NLRP11: variants seen among roughly 807,000 people sequenced by gnomAD.
NLRP11 encodes the protein NACHT, LRR and PYD domains-containing protein 11.
A neutral mutation model predicts 79.3 loss-of-function variants in NLRP11; 53 were observed. That is an observed-to-expected ratio of 0.67 (90% CI 0.54 to 0.84). The LOEUF is 0.84. Among genes scored for constraint, NLRP11 ranks in the 40% least tolerant of loss-of-function variants. The pLI, the probability that NLRP11 is intolerant of heterozygous loss-of-function variation, is 0.00. For synonymous variants in NLRP11, 518 were observed against 462.6 expected (o/e 1.12, Z -1.54); for missense variants, 1,264 against 1,255.0 (o/e 1.01, Z -0.11).
At chr19:55,799,779 C>T (rs1037909266) in intron 5 of NLRP11, among the ~76,000 whole-genome samples, 7 of 151,994 alleles carry the variant, frequency 4.6e-5, no homozygotes, top group Admixed American at 4.6e-4. Flanking sequence ...CCAGCCTGGC[C>T]AACATGGTGA....
At chr19:55,805,287 A>T (rs1388159484) in intron 4 of NLRP11, among the ~76,000 whole-genome samples, 1 of 152,000 alleles carries the variant, frequency 6.6e-6, no homozygotes, top group East Asian at 1.9e-4. Context: ...AAGAGACGGG[A>T]AGGGAAATGT....
intron 1 of NLRP11, among the ~76,000 whole-genome samples, chr19:55,820,457 A>G (rs1170216869): frequency 6.6e-6 from 1 of 152,100 alleles, no homozygotes; most frequent in Non-Finnish European, 1.5e-5. Flanking sequence ...TTAACTAGAA[A>G]ATCCCACTGA....
intron 1 of NLRP11, among the ~76,000 whole-genome samples, chr19:55,821,301 G>A (rs1349710575): frequency 6.6e-6 from 1 of 151,598 alleles, no homozygotes; most frequent in African/African-American, 2.4e-5. Context: ...TACCTCGTGT[G>A]TGTTTTTTAT....
chr19:55,822,744 C>T (rs1391869103), intron 1 of NLRP11, among the ~76,000 whole-genome samples: 2 of 152,136 alleles, frequency 1.3e-5, no homozygotes, highest in East Asian at 3.9e-4. Flanking sequence ...ATATCCCACA[C>T]CTGGCTCGGA....
At chr19:55,785,912 T>C in intron 9 of NLRP11, 41 bp from the exon 10 acceptor site, 2 of 1,589,378 alleles carry the variant, frequency 1.3e-6, no homozygotes, top group Non-Finnish European at 1.7e-6. Context: ...ATGCTACATG[T>C]GAGGTCTCAG....
intron 2 of NLRP11, among the ~76,000 whole-genome samples, chr19:55,816,554 A>G (rs1981131152): frequency 6.6e-6 from 1 of 152,160 alleles, no homozygotes; most frequent in Non-Finnish European, 1.5e-5. Context: ...GAGGGACTAA[A>G]TGAGCCAATG....
intron 3 of NLRP11, among the ~76,000 whole-genome samples, chr19:55,808,489 C>T (rs1034097095): frequency 6.6e-6 from 1 of 152,058 alleles, no homozygotes; most frequent in African/African-American, 2.4e-5. Flanking sequence ...CCCTACTGGC[C>T]ACAGGAGAGA....
At chr19:55,822,345 A>G (rs1449373552) in intron 1 of NLRP11, among the ~76,000 whole-genome samples, 1 of 152,266 alleles carries the variant, frequency 6.6e-6, no homozygotes, top group Non-Finnish European at 1.5e-5. Flanking sequence ...TTACGTCATG[A>G]CTGAAGATGT....
intron 1 of NLRP11, among the ~76,000 whole-genome samples, chr19:55,821,121 G>A (rs150844740): frequency 6.6e-6 from 1 of 152,016 alleles, no homozygotes; most frequent in East Asian, 1.9e-4. Flanking sequence ...TAAGCAGTGA[G>A]CCAATTTTCT....
chr19:55,823,832 A>T, intron 1 of NLRP11, among the ~76,000 whole-genome samples: 1 of 147,814 alleles, frequency 6.8e-6, no homozygotes, highest in East Asian at 2.0e-4. Flanking sequence ...AAGTTGGAAA[A>T]CGCTCTGCAG....
In NLRP11 at chr19:55,821,249, A is replaced by ACACAC. The variant is rs1443325918; in HGVS notation, c.-62-3014_-62-3013insGTGTG. Among the ~76,000 whole-genome samples the ACACAC allele has an allele frequency of 3.0e-3, 367 of 124,404 alleles. 4 individuals carry two copies. The highest frequency in any genetic ancestry group is 9.9e-3 in the African/African-American group (344 of 34,660). The allele number at this position is 124,404 out of a possible 152,430, so 81.6% of individuals were successfully genotyped here. ...CACACACACACACACACACACACAC[A>ACACAC]CCCCAAGCACTGAGTTTGTAATGAT... On this transcript the variant is annotated intron_variant, in intron 1 of 9. Transcript: ENST00000589093.
rs377446833 is a variant in NLRP11 at position 55,831,453 on chromosome 19, T to C, written c.-63+510A>G. Among the ~76,000 whole-genome samples, 80 of 152,118 alleles carry C rather than the reference T, an allele frequency of 5.3e-4. No individual in the cohort carries two copies. The South Asian group carries it at 0.017, about 32-fold the overall frequency. On this transcript the variant is annotated intron_variant, in intron 1 of 9. Transcript: ENST00000589093. ...GGCGTGTGCCTGTCATTCCTGCTACTTGGGAGTCTGAGGTGGGAGAGTCAC... is the reference window on the plus strand; with the variant it reads ...GGCGTGTGCCTGTCATTCCTGCTACCTGGGAGTCTGAGGTGGGAGAGTCAC...
At chr19:55,793,555 C>CAAA (rs1385442204) in intron 6 of NLRP11, among the ~76,000 whole-genome samples, 817 of 30,664 alleles carry the variant, frequency 0.027, 15 homozygotes, top group Non-Finnish European at 0.04. Flanking sequence ...GTGACTGTCT[C>CAAA]CAAAAAAAAA....
At chr19:55,788,178 T>C (rs948516402) in intron 9 of NLRP11, among the ~76,000 whole-genome samples, 1 of 152,130 alleles carries the variant, frequency 6.6e-6, no homozygotes. Flanking sequence ...AGACTGAGAA[T>C]TGCCTATTTT....
At chr19:55,797,557 C>T (rs548468057) in intron 5 of NLRP11, among the ~76,000 whole-genome samples, 30 of 152,244 alleles carry the variant, frequency 2.0e-4, no homozygotes, top group African/African-American at 7.0e-4. Flanking sequence ...TATCATGTGC[C>T]TAGTAGATGA....
chr19:55,823,739 G>A (rs1982043726), intron 1 of NLRP11, among the ~76,000 whole-genome samples: 1 of 150,658 alleles, frequency 6.6e-6, no homozygotes, highest in South Asian at 2.1e-4. Context: ...AATGAGCAAA[G>A]CCTCCAAGAA....
In NLRP11 at chr19:55,807,870, A is replaced by T; in HGVS notation, c.1986T>A (p.Cys662Ter). The T allele has an allele frequency of 6.2e-7, 1 of 1,611,842 alleles. No individual in the cohort carries two copies. Among genetic ancestry groups the T allele is most frequent in the Non-Finnish European group, 8.5e-7 (1 of 1,178,748 alleles). Reference sequence around the variant, plus strand: ...GTACTTACTTGAGTGTGCGAAGTTTACAGCTAGAATGCTCCAGGGCTTTAG... The same window carrying T: ...GTACTTACTTGAGTGTGCGAAGTTTTCAGCTAGAATGCTCCAGGGCTTTAG... The change falls in exon 4 of 10, where the codon TGT (cysteine) becomes TGA (stop). Residue 662 changes from cysteine to a stop codon, truncating the protein, a stop_gained. Transcript: ENST00000589093. LOFTEE classifies it high-confidence loss of function.
intron 1 of NLRP11, among the ~76,000 whole-genome samples, chr19:55,829,051 C>T (rs1401618979): frequency 6.6e-6 from 1 of 152,152 alleles, no homozygotes; most frequent in African/African-American, 2.4e-5. Flanking sequence ...GTAGTTCAGT[C>T]AACAGCAACT....
chr19:55,801,860 A>G (rs1979514809), intron 4 of NLRP11, 121 bp from the exon 5 acceptor site: 4 of 757,640 alleles, frequency 5.3e-6, no homozygotes, highest in Middle Eastern at 2.4e-4. Context: ...ATCCTCACAC[A>G]TGGCTCTCGA....
Sources: gnomAD v4.1 joint callset for allele counts (sites outside exome capture counted in the v4.1 genomes callset) on GRCh38, gnomAD v4.1.1 for gene constraint, MANE v1.5 for transcripts, NCBI Gene and HGNC (gene_info 2026-07-23, HGNC 2026-07-21) for gene names.